DMBT1: variants seen among roughly 807,000 people sequenced by gnomAD.
DMBT1 encodes the protein deleted in malignant brain tumors 1, also known as scavenger receptor cysteine-rich domain-containing protein DMBT1.
DMBT1 carries 198 observed loss-of-function variants against 252.9 expected under a neutral mutation model. The ratio of observed to expected loss-of-function variants is 0.78; its 90% CI spans 0.70 to 0.88. DMBT1 has a LOEUF of 0.88. DMBT1 is among the 40% of genes least tolerant of loss of function. DMBT1 has a pLI of 0.00. For missense variants in DMBT1, 2,432 were observed against 2,404.7 expected, an observed-to-expected ratio of 1.01 and a Z score of -0.24; for synonymous variants, 990 against 942.7, an observed-to-expected ratio of 1.05 and a Z score of -0.92.
At chr10:122,625,213 G>C (rs2098109096) in intron 44 of DMBT1, 64 bp from the exon 45 acceptor site, 1 of 1,516,786 alleles carries the variant, frequency 6.6e-7, no homozygotes, top group South Asian at 1.2e-5. Flanking sequence ...CAGGCACTCA[G>C]CATTTCTCTC....
intron 53 of DMBT1, 150 bp from the exon 54 acceptor site, chr10:122,636,978 C>T: frequency 7.7e-6 from 5 of 650,906 alleles, no homozygotes; most frequent in Non-Finnish European, 1.0e-5. Flanking sequence ...TGGGGGATTG[C>T]AGTGAGGTCT....
rs2097583315 is a variant in DMBT1 at position 122,565,610 on chromosome 10, AATGCC to A, written c.62-355_62-351del. 3.4e-4 allele frequency among the ~76,000 whole-genome samples: 6 copies of A among 17,394 alleles called. No individual in the cohort carries two copies. In the South Asian group the frequency reaches 0.017, roughly 50 times the overall value. 11.4% of individuals were successfully genotyped at this position (17,394 alleles called of 152,430 possible). ...AGGGGTCATCTGAGTGGCTGTTGTC[AATGCC>A]AGCTATACTCAAATTTCAGACTGGA... On this transcript the variant is annotated intron_variant, in intron 1 of 55. Transcript: ENST00000338354.
chr10:122,598,725 C>G (rs1484913333), intron 25 of DMBT1, 49 bp from the exon 26 acceptor site: 1 of 1,611,768 alleles, frequency 6.2e-7, no homozygotes, highest in Non-Finnish European at 8.5e-7. Context: ...TCCTTAGATT[C>G]CTGACCTCAT....
chr10:122,621,320 C>A lies in DMBT1; in HGVS notation c.5548C>A (p.His1850Asn), dbSNP rs200348645. The A allele has an allele frequency of 8.4e-5, 135 of 1,613,742 alleles. No individual in the cohort carries two copies. Among genetic ancestry groups the A allele is most frequent in the Non-Finnish European group, 1.1e-4 (124 of 1,179,760 alleles). Reference sequence around the variant, plus strand: ...TGAGTCCTACCTGTGGAGCTGCCCCCACAAAGGCTGGCTCACCCACAACTG... The same window carrying A: ...TGAGTCCTACCTGTGGAGCTGCCCCAACAAAGGCTGGCTCACCCACAACTG... Reference protein sequence around the residue: ...GNESYLWSCPHKGWLTHNCGH... With the variant: ...GNESYLWSCPNKGWLTHNCGH... Residue 1850 changes from histidine (H) to asparagine (N), a missense_variant, in exon 44 of 56, where the codon CAC becomes AAC. Transcript: ENST00000338354.
At chr10:122,589,388 C>T in intron 17 of DMBT1, 121 bp downstream of exon 17, 2 of 1,440,040 alleles carry the variant, frequency 1.4e-6, no homozygotes, top group Non-Finnish European at 1.9e-6. Flanking sequence ...CTGATATCTC[C>T]TTAGCTCTCT....
At chr10:122,593,841 C>A (rs28411263) in intron 21 of DMBT1, among the ~76,000 whole-genome samples, 8,639 of 143,562 alleles carry the variant, frequency 0.06, 710 homozygotes, top group South Asian at 0.12. Flanking sequence ...CATACTGTCC[C>A]AGTGGACAAC....
intron 11 of DMBT1, among the ~76,000 whole-genome samples, chr10:122,581,531 A>T (rs1232107082): frequency 6.7e-6 from 1 of 149,352 alleles, no homozygotes; most frequent in African/African-American, 2.5e-5. Flanking sequence ...CAGATGTGGG[A>T]TGGCATGGTG....
At chr10:122,629,076 A>G (rs1054580729) in intron 46 of DMBT1, among the ~76,000 whole-genome samples, 17 of 152,350 alleles carry the variant, frequency 1.1e-4, no homozygotes, top group African/African-American at 3.4e-4. Flanking sequence ...ATGTTTGACC[A>G]CTTAATATTT....
intron 10 of DMBT1, among the ~76,000 whole-genome samples, chr10:122,580,281 G>A (rs1046931780): frequency 1.3e-5 from 2 of 152,206 alleles, no homozygotes; most frequent in African/African-American, 4.8e-5. Context: ...CTGAACTAAA[G>A]ATGCTTGGCT....
intron 25 of DMBT1, 40 bp downstream of exon 25, chr10:122,598,052 A>C: frequency 6.2e-7 from 1 of 1,612,406 alleles, no homozygotes; most frequent in Non-Finnish European, 8.5e-7. Context: ...CTCACTCTCT[A>C]CCTCTGGACA....
At chr10:122,632,735 AAGGCCTGTGTCC>A in intron 50 of DMBT1, 114 bp from the exon 51 acceptor site, 1 of 1,269,890 alleles carries the variant, frequency 7.9e-7, no homozygotes, top group Non-Finnish European at 1.1e-6. Context: ...CCCCAAGGGC[AAGGCCTGTGTCC>A]AGCTCCTCCC....
rs142830325 is a variant in DMBT1 at position 122,630,998 on chromosome 10, T to C, written c.6063T>C (p.Tyr2021=). 1.9e-6 allele frequency: 3 copies of C among 1,610,204 alleles called. No homozygotes were observed. Among genetic ancestry groups the C allele is most frequent in the Non-Finnish European group, 2.5e-6 (3 of 1,176,682 alleles). Residue 2021 remains tyrosine (Y), a synonymous_variant, in exon 49 of 56, where the codon TAT becomes TAC. Coordinates refer to ENST00000338354, the MANE Select transcript of DMBT1 (RefSeq NM_001377530.1). ...TLRLVNLNSS[Y]GLCAGRVEIY... ...GGTTGGTCAATTTAAATTCATCCTA[T>C]GGTCTATGTGCCGGGCGTGTAGAAA... is the stretch of plus-strand genomic sequence containing the variant.
intron 54 of DMBT1, among the ~76,000 whole-genome samples, chr10:122,639,665 C>T (rs1453538731): frequency 6.6e-6 from 1 of 152,162 alleles, no homozygotes; most frequent in African/African-American, 2.4e-5. Flanking sequence ...GCTCAGAGGC[C>T]TGACAAAAGG....
At position 122,632,847 on chromosome 10, in the gene DMBT1, C is replaced by CT. The variant is rs2098177186; in HGVS notation, c.6368-9dup. The CT allele has an allele frequency of 6.2e-7, 1 of 1,613,434 alleles. No homozygotes were observed. Among genetic ancestry groups the CT allele is most frequent in the Non-Finnish European group, 8.5e-7 (1 of 1,179,736 alleles). ...GCCAGAAAACTGATCCTGATCTTTT[C>CT]TTTTTGTCAACAGCTCCTTTTCTCA... is the stretch of plus-strand genomic sequence containing the variant. On this transcript the variant is annotated splice_polypyrimidine_tract_variant and intron_variant, in intron 50 of 55. Coordinates refer to ENST00000338354, the MANE Select transcript of DMBT1 (RefSeq NM_001377530.1).
intron 52 of DMBT1, 117 bp from the exon 53 acceptor site, chr10:122,635,874 C>A: frequency 9.0e-7 from 1 of 1,112,034 alleles, no homozygotes; most frequent in Non-Finnish European, 1.3e-6. Flanking sequence ...CTATGACTTT[C>A]ATCGATGAAC....
Position 122,640,062 on chromosome 10 carries a change from A to T in DMBT1, c.6965A>T (p.Tyr2322Phe). The T allele has an allele frequency of 6.2e-7, 1 of 1,613,902 alleles. No individual in the cohort carries two copies. The highest frequency in any genetic ancestry group is 8.5e-7 in the Non-Finnish European group (1 of 1,179,846). ...TAGGCAGACAATGACACCATCGACT[A>T]TTCCAACTTCCTCACAGCAGCTGTC... is the stretch of plus-strand genomic sequence containing the variant. Reference protein sequence around the residue: ...FKQADNDTIDYSNFLTAAVSG... With the variant: ...FKQADNDTIDFSNFLTAAVSG... Residue 2322 changes from tyrosine (Y) to phenylalanine (F), a missense_variant, in exon 55 of 56, where the codon TAT becomes TTT. This residue lies in a region of DMBT1 where 1,162 missense variants were observed against 1,169.0 expected (regional missense o/e 0.99). Coordinates refer to ENST00000338354, the MANE Select transcript of DMBT1 (RefSeq NM_001377530.1).
At chr10:122,599,957 C>G (rs764504004) in intron 26 of DMBT1, 107 bp from the exon 27 acceptor site, 32 of 1,471,696 alleles carry the variant, frequency 2.2e-5, no homozygotes, top group Admixed American at 3.4e-5. Context: ...GTGATAGGAA[C>G]TAGGATGGAC....
At chr10:122,571,126 G>A (rs1223544467) in intron 4 of DMBT1, among the ~76,000 whole-genome samples, 189 bp downstream of exon 4, 5 of 152,252 alleles carry the variant, frequency 3.3e-5, no homozygotes, top group Admixed American at 1.3e-4. Flanking sequence ...ATGAGCACGT[G>A]TTTGTACACG....
chr10:122,572,157 A>G (rs533134369), intron 4 of DMBT1, among the ~76,000 whole-genome samples, 157 bp from the exon 5 acceptor site: 2 of 152,310 alleles, frequency 1.3e-5, no homozygotes, highest in Admixed American at 1.3e-4. Flanking sequence ...GGACCAGTAC[A>G]GTGACAGAGT....
Sources: gnomAD v4.1 joint callset for allele counts (sites outside exome capture counted in the v4.1 genomes callset) on GRCh38, gnomAD v4.1.1 for gene constraint, gnomAD v4.1.1 regional missense constraint, MANE v1.5 for transcripts, NCBI Gene and HGNC (gene_info 2026-07-23, HGNC 2026-07-21) for gene names.